FMNL2: variants seen among roughly 807,000 people sequenced by gnomAD.
FMNL2 encodes formin-like protein 2.
A neutral mutation model predicts 130.2 loss-of-function variants in FMNL2; 51 were observed. That is an observed-to-expected ratio of 0.39 (90% confidence interval 0.31 to 0.49). FMNL2 has a LOEUF of 0.49. FMNL2 is among the 20% of genes least tolerant of loss of function. The pLI is 0.85. For missense variants in FMNL2, 977 were observed against 1,316.2 expected, an observed-to-expected ratio of 0.74 and a Z score of 3.99; for synonymous variants, 465 against 467.1, an observed-to-expected ratio of 1.00 and a Z score of 0.06.
In FMNL2 at chr2:152,390,422, C is replaced by T. The variant is rs1685047563; in HGVS notation, c.117+54702C>T. 3 of 1,145,628 alleles carry T rather than the reference C, an allele frequency of 2.6e-6. No homozygotes were observed. The East Asian group carries it at 7.0e-5, about 27-fold the overall frequency. The allele number at this position is 1,145,628 out of a possible 1,614,324, so 71.0% of individuals were successfully genotyped here. A position where few individuals can be genotyped will look rare whatever the true frequency, so the allele number is the denominator to read the frequency against. On this transcript the variant is annotated intron_variant, in intron 1 of 25. Transcript: ENST00000288670. Reference sequence around the variant, plus strand: ...GGTGGAGCTGCTTGGTGTCCAGTGACCCTAAGATCAATACCAAGATGATTA... The same window carrying T: ...GGTGGAGCTGCTTGGTGTCCAGTGATCCTAAGATCAATACCAAGATGATTA...
intron 4 of FMNL2, among the ~76,000 whole-genome samples, chr2:152,557,069 T>C (rs1220735672): frequency 1.3e-5 from 2 of 152,168 alleles, no homozygotes; most frequent in Non-Finnish European, 2.9e-5. Context: ...TCCAGCCAGT[T>C]ACAAAAAAGA....
chr2:152,641,827 T>C (rs988778376), intron 25 of FMNL2, among the ~76,000 whole-genome samples: 4 of 152,174 alleles, frequency 2.6e-5, no homozygotes, highest in African/African-American at 7.2e-5. Context: ...AACAAAAACA[T>C]ACTTTACACC....
In FMNL2 at chr2:152,573,773, A is replaced by G. The variant is rs570984252; in HGVS notation, c.597-1363A>G. 2.0e-5 allele frequency among the ~76,000 whole-genome samples: 3 copies of G among 152,330 alleles called. No individual in the cohort carries two copies. The East Asian group carries it at 5.8e-4, about 29-fold the overall frequency. On this transcript the variant is annotated intron_variant, in intron 6 of 25. Transcript: ENST00000288670. ...TACATTTTAGAAAAACTTTAGCTCT[A>G]TTGTTTTTGAGCATAGAATACAACT...
chr2:152,637,841 TG>T (rs1682755556), intron 23 of FMNL2, among the ~76,000 whole-genome samples, 167 bp downstream of exon 23: 4 of 152,322 alleles, frequency 2.6e-5, no homozygotes, highest in Admixed American at 1.3e-4. Context: ...AGGGACATTA[TG>T]GTCCCTTTCT....
At chr2:152,424,172 T>C (rs992622673) in intron 1 of FMNL2, among the ~76,000 whole-genome samples, 2 of 152,154 alleles carry the variant, frequency 1.3e-5, no homozygotes, top group East Asian at 1.9e-4. Context: ...CTAGTTTTTG[T>C]TTAGCATTCC....
At chr2:152,426,805 G>A (rs554334090) in intron 1 of FMNL2, among the ~76,000 whole-genome samples, 1 of 152,210 alleles carries the variant, frequency 6.6e-6, no homozygotes, top group South Asian at 2.1e-4. Context: ...ATTACCATAA[G>A]GAAATATATT....
At chr2:152,413,035 A>C (rs780396606) in intron 1 of FMNL2, among the ~76,000 whole-genome samples, 1 of 152,142 alleles carries the variant, frequency 6.6e-6, no homozygotes, top group Non-Finnish European at 1.5e-5. Context: ...TGACAAAACT[A>C]TTTGACTCTA....
intron 9 of FMNL2, among the ~76,000 whole-genome samples, chr2:152,581,598 G>C (rs1441548000): frequency 2.0e-5 from 3 of 152,022 alleles, no homozygotes; most frequent in African/African-American, 7.3e-5. Flanking sequence ...ATGACGCCGC[G>C]GGCCCTGCCC....
chr2:152,525,100 A>G (rs926484036), intron 2 of FMNL2, among the ~76,000 whole-genome samples: 1 of 152,188 alleles, frequency 6.6e-6, no homozygotes, highest in South Asian at 2.1e-4. Context: ...GGTCACCCAG[A>G]TAGTGAAACG....
chr2:152,518,458 C>T (rs1692897402), intron 1 of FMNL2, among the ~76,000 whole-genome samples: 2 of 152,200 alleles, frequency 1.3e-5, no homozygotes, highest in Non-Finnish European at 2.9e-5. Flanking sequence ...GAGATTCAGA[C>T]CTTTCTTTTG....
At chr2:152,413,030 A>G (rs1686406190) in intron 1 of FMNL2, among the ~76,000 whole-genome samples, 1 of 152,156 alleles carries the variant, frequency 6.6e-6, no homozygotes, top group African/African-American at 2.4e-5. Flanking sequence ...AACTATGACA[A>G]AACTATTTGA....
chr2:152,495,761 A>G (rs998012941), intron 1 of FMNL2, among the ~76,000 whole-genome samples: 2 of 151,482 alleles, frequency 1.3e-5, no homozygotes, highest in African/African-American at 2.4e-5. Flanking sequence ...GCCTGCCTCC[A>G]GGAAGCATAT....
At chr2:152,558,637 T>C (rs1011956585) in intron 4 of FMNL2, 103 bp from the exon 5 acceptor site, 3 of 1,027,422 alleles carry the variant, frequency 2.9e-6, no homozygotes, top group Middle Eastern at 2.1e-4. Context: ...TTTCAGGCAA[T>C]GAAAGTTTCT....
intron 1 of FMNL2, among the ~76,000 whole-genome samples, chr2:152,354,524 A>G (rs1446606819): frequency 2.6e-5 from 4 of 152,304 alleles, no homozygotes; most frequent in Middle Eastern, 3.4e-3. Context: ...AGAAGGTTCT[A>G]TATTAATCTG....
At chr2:152,444,773 T>C (rs865910205) in intron 1 of FMNL2, among the ~76,000 whole-genome samples, 8 of 150,536 alleles carry the variant, frequency 5.3e-5, no homozygotes, top group Middle Eastern at 6.8e-3. Flanking sequence ...ATAGAGTCGA[T>C]TGAATGTTCA....
chr2:152,518,168 A>C (rs960873072), intron 1 of FMNL2, among the ~76,000 whole-genome samples: 2 of 152,240 alleles, frequency 1.3e-5, no homozygotes, highest in Admixed American at 6.5e-5. Flanking sequence ...GTTTAAAGGC[A>C]GTTATTACCA....
rs185175955 is a variant in FMNL2 at position 152,431,421 on chromosome 2, A to G, written c.118-90522A>G. Among the ~76,000 whole-genome samples, 4 of 152,362 alleles carry G rather than the reference A, an allele frequency of 2.6e-5. No homozygotes were observed. The East Asian group carries it at 7.7e-4, about 29-fold the overall frequency. On this transcript the variant is annotated intron_variant, in intron 1 of 25. Transcript: ENST00000288670. ...TGGTTGCATGTACATGGTTAATCCA[A>G]AAGGCTCAGCTTTTCAGCAAATGGA...
intron 1 of FMNL2, among the ~76,000 whole-genome samples, chr2:152,470,477 G>C (rs184960867): frequency 6.6e-6 from 1 of 152,160 alleles, no homozygotes; most frequent in Admixed American, 6.5e-5. Flanking sequence ...GGAAAGTAGA[G>C]AAGAAGCTGA....
intron 25 of FMNL2, among the ~76,000 whole-genome samples, chr2:152,646,229 C>G (rs763246234): frequency 6.6e-6 from 1 of 151,722 alleles, no homozygotes. Flanking sequence ...CTACCTGGGA[C>G]GCTGAGATGT....
Sources: gnomAD v4.1 joint callset for allele counts (sites outside exome capture counted in the v4.1 genomes callset) on GRCh38, gnomAD v4.1.1 for gene constraint, MANE v1.5 for transcripts, NCBI Gene and HGNC (gene_info 2026-07-23, HGNC 2026-07-21) for gene names.